Variants in TRAPPC9 observed in about 807,000 individuals in gnomAD.
TRAPPC9 encodes the protein IKK2 binding protein.
Under a neutral mutation model 124.0 loss-of-function variants are expected in TRAPPC9, and 83 were observed. The observed-to-expected ratio is 0.67, with a 90% CI of 0.56 to 0.80. The LOEUF (loss-of-function observed/expected upper bound fraction) is 0.80, where lower values mean the gene tolerates loss of function less well. Among genes scored for constraint, TRAPPC9 ranks in the 30% least tolerant of loss-of-function variants. TRAPPC9 has a pLI of 0.00. For missense variants in TRAPPC9, 1,302 were observed against 1,508.3 expected, an observed-to-expected ratio of 0.86 and a Z score of 2.27; for synonymous variants, 638 against 617.5, an observed-to-expected ratio of 1.03 and a Z score of -0.49.
chr8:139,741,628 C>T (rs1018902367), intron 21 of TRAPPC9, among the ~76,000 whole-genome samples: 3 of 152,138 alleles, frequency 2.0e-5, no homozygotes, highest in African/African-American at 7.2e-5. Context: ...ATCTCCATCA[C>T]CTTCAAAAGA....
chr8:139,817,583 C>T (rs1389891500), intron 21 of TRAPPC9, among the ~76,000 whole-genome samples: 4 of 152,384 alleles, frequency 2.6e-5, no homozygotes, highest in Admixed American at 2.0e-4. Context: ...TTCATTAACC[C>T]CTTACCCGTG....
At chr8:139,937,199 G>C (rs553065424) in intron 19 of TRAPPC9, among the ~76,000 whole-genome samples, 1 of 152,156 alleles carries the variant, frequency 6.6e-6, no homozygotes, top group Non-Finnish European at 1.5e-5. Flanking sequence ...TGTTCTTGAA[G>C]AGTAACAGTA....
At chr8:140,240,929 C>T (rs1165495398) in intron 16 of TRAPPC9, among the ~76,000 whole-genome samples, 1 of 152,166 alleles carries the variant, frequency 6.6e-6, no homozygotes, top group African/African-American at 2.4e-5. Context: ...CAATGAAGTC[C>T]AAGTTACTTC....
At chr8:140,454,660 A>C (rs1233610328) in intron 1 of TRAPPC9, among the ~76,000 whole-genome samples, 1 of 121,532 alleles carries the variant, frequency 8.2e-6, no homozygotes, top group Non-Finnish European at 1.8e-5. Flanking sequence ...AAAAAAAAAA[A>C]CACAACCTGA....
At chr8:140,125,093 C>T (rs1024530545) in intron 17 of TRAPPC9, among the ~76,000 whole-genome samples, 16 of 152,320 alleles carry the variant, frequency 1.1e-4, no homozygotes, top group South Asian at 2.1e-4. Flanking sequence ...CACCTCCTCA[C>T]GGGGCTGCGA....
At chr8:140,031,084 G>A (rs1840467439) in intron 17 of TRAPPC9, among the ~76,000 whole-genome samples, 1 of 152,190 alleles carries the variant, frequency 6.6e-6, no homozygotes, top group South Asian at 2.1e-4. Context: ...CATTATTAAA[G>A]AATCTAAGTC....
At chr8:140,456,935 G>T in intron 1 of TRAPPC9, 10 of 549,132 alleles carry the variant, frequency 1.8e-5, no homozygotes, top group Non-Finnish European at 2.3e-5. Flanking sequence ...GGGTGGAGGG[G>T]ATTGGGGTGG....
intron 21 of TRAPPC9, among the ~76,000 whole-genome samples, chr8:139,811,097 T>C (rs573806492): frequency 6.6e-6 from 1 of 152,180 alleles, no homozygotes; most frequent in Non-Finnish European, 1.5e-5. Flanking sequence ...TCACAGAAAG[T>C]GGCAATTAAT....
At chr8:140,114,772 A>T (rs1247103587) in intron 17 of TRAPPC9, among the ~76,000 whole-genome samples, 1 of 152,174 alleles carries the variant, frequency 6.6e-6, no homozygotes, top group Non-Finnish European at 1.5e-5. Flanking sequence ...GAAACAGAAA[A>T]AGTTTCTGTG....
intron 17 of TRAPPC9, among the ~76,000 whole-genome samples, chr8:140,197,077 T>G (rs544005012): frequency 1.4e-4 from 22 of 152,334 alleles, no homozygotes; most frequent in African/African-American, 5.3e-4. Flanking sequence ...GATGAATGCA[T>G]GCTTCATCAC....
chr8:140,289,150 G>A (rs1222203303), intron 12 of TRAPPC9, among the ~76,000 whole-genome samples: 3 of 151,254 alleles, frequency 2.0e-5, no homozygotes, highest in Admixed American at 6.6e-5. Context: ...ATATATGTAG[G>A]CATATGGGTT....
chr8:140,121,070 A>G (rs567121688), intron 17 of TRAPPC9, among the ~76,000 whole-genome samples: 6 of 152,394 alleles, frequency 3.9e-5, no homozygotes, highest in Admixed American at 1.3e-4. Context: ...AAACCCAATC[A>G]CTAGGCAAGA....
intron 17 of TRAPPC9, among the ~76,000 whole-genome samples, chr8:140,183,389 A>C (rs1200755629): frequency 6.6e-6 from 1 of 152,236 alleles, no homozygotes; most frequent in East Asian, 1.9e-4. Context: ...CCAATGATAC[A>C]ATCAAAGGAA....
At chr8:140,161,246 T>G (rs2061746040) in intron 17 of TRAPPC9, among the ~76,000 whole-genome samples, 1 of 152,126 alleles carries the variant, frequency 6.6e-6, no homozygotes, top group Non-Finnish European at 1.5e-5. Flanking sequence ...GAGGTAACTC[T>G]CACCCCAATT....
At position 140,417,307 on chromosome 8, in the gene TRAPPC9, C is replaced by G. The variant is rs148339540; in HGVS notation, c.886+9308G>C. Among the ~76,000 whole-genome samples the G allele has an allele frequency of 1.5e-3, 221 of 152,166 alleles. 2 individuals carry two copies. The highest frequency in any genetic ancestry group is 2.3e-3 in the East Asian group (12 of 5,184). On this transcript the variant is annotated intron_variant, in intron 5 of 22. Coordinates refer to ENST00000438773, the MANE Select transcript of TRAPPC9 (RefSeq NM_001160372.4). ...CAGAATGGGAGAAAATTTTTGCAAT[C>G]TATCTGACAAAGGGCTAATATCCAG...
At chr8:139,931,593 G>A (rs1194666735) in intron 19 of TRAPPC9, 1 of 152,214 alleles carries the variant, frequency 6.6e-6, no homozygotes, top group African/African-American at 2.4e-5. Flanking sequence ...TGGGCCCCGC[G>A]GTCTGGAAAG....
At chr8:139,936,831 T>G (rs1196806447) in intron 19 of TRAPPC9, among the ~76,000 whole-genome samples, 1 of 76,262 alleles carries the variant, frequency 1.3e-5, no homozygotes, top group Non-Finnish European at 2.4e-5. Flanking sequence ...ATGGAGAGAG[T>G]GGGCGAGTGG....
At chr8:140,337,316 A>C (rs905217377) in intron 9 of TRAPPC9, among the ~76,000 whole-genome samples, 1 of 152,004 alleles carries the variant, frequency 6.6e-6, no homozygotes, top group African/African-American at 2.4e-5. Context: ...CCTGTCACAC[A>C]CTCTCACAGG....
At chr8:140,431,882 A>G (rs4515527) in intron 4 of TRAPPC9, among the ~76,000 whole-genome samples, 109,554 of 152,114 alleles carry the variant, frequency 0.72, 40,103 homozygotes, top group East Asian at 1. Flanking sequence ...TGCTCCAGAC[A>G]GTTTCTATCT....
Sources: allele counts gnomAD v4.1 joint callset (sites outside exome capture counted in the v4.1 genomes callset), GRCh38; gene constraint gnomAD v4.1.1; transcripts MANE v1.5; gene names NCBI Gene and HGNC (gene_info 2026-07-23, HGNC 2026-07-21).